ARHGAP32: variants seen among roughly 807,000 people sequenced by gnomAD.
ARHGAP32 encodes the protein Rho GTPase activating protein 32.
ARHGAP32 carries 51 observed loss-of-function variants against 186.5 expected under a neutral mutation model. That is an observed-to-expected ratio of 0.27 (90% CI 0.22 to 0.35). The LOEUF is 0.35. ARHGAP32 is among the 10% of genes least tolerant of loss of function. The pLI, the probability that ARHGAP32 is intolerant of heterozygous loss-of-function variation, is 1.00. For missense variants in ARHGAP32, 2,186 were observed against 2,623.5 expected (o/e 0.83, Z 3.64); for synonymous variants, 950 against 964.3 (o/e 0.99, Z 0.27).
Position 128,968,878 on chromosome 11 carries a change from G to A in ARHGAP32, c.*29C>T. 2.1e-6 allele frequency: 3 copies of A among 1,432,110 alleles called. No homozygotes were observed. The highest frequency in any genetic ancestry group is 2.8e-6 in the Non-Finnish European group (3 of 1,085,390). 88.7% of individuals were successfully genotyped at this position (1,432,110 alleles called of 1,614,324 possible). On this transcript the variant is annotated 3_prime_UTR_variant, in exon 23 of 23. Coordinates refer to ENST00000682385, the MANE Select transcript of ARHGAP32 (RefSeq NM_001378024.1). ...ATAGAACAGTCCACTGTCCAGCAGAGGCTGCTTCAACTCTATTGCTCGCAG... is the reference window on the plus strand; with the variant it reads ...ATAGAACAGTCCACTGTCCAGCAGAAGCTGCTTCAACTCTATTGCTCGCAG...
chr11:129,276,909 C>T (rs1459814718), intron 1 of ARHGAP32, among the ~76,000 whole-genome samples: 1 of 152,206 alleles, frequency 6.6e-6, no homozygotes, highest in South Asian at 2.1e-4. Flanking sequence ...ACTGCAACCA[C>T]AACCTAACTT....
chr11:129,007,217 AT>A (rs1055372667), intron 11 of ARHGAP32, among the ~76,000 whole-genome samples: 7 of 151,968 alleles, frequency 4.6e-5, no homozygotes, highest in African/African-American at 1.7e-4. Context: ...ATGGTGCCCT[AT>A]CCCACTGTGG....
intron 1 of ARHGAP32, among the ~76,000 whole-genome samples, chr11:129,234,896 C>T (rs978054559): frequency 3.3e-5 from 5 of 152,148 alleles, no homozygotes; most frequent in African/African-American, 1.2e-4. Flanking sequence ...CCTTAGTTTA[C>T]CAGGCTTTTA....
chr11:129,241,900 G>T (rs780499316), intron 1 of ARHGAP32, among the ~76,000 whole-genome samples: 3 of 152,096 alleles, frequency 2.0e-5, no homozygotes, highest in Admixed American at 1.3e-4. Flanking sequence ...AAGCAAGAAT[G>T]ACCAATAAAA....
At chr11:129,062,135 T>C (rs1940525279) in intron 10 of ARHGAP32, 145 bp downstream of exon 10, 1 of 650,632 alleles carries the variant, frequency 1.5e-6, no homozygotes, top group South Asian at 2.0e-5. Context: ...TCTAAATCTA[T>C]TATCATTACT....
At position 128,973,314 on chromosome 11, in the gene ARHGAP32, G is replaced by A. The variant is rs150930792; in HGVS notation, c.3192C>T (p.Ser1064=). ...ATGACTGAGTTGAGGCTTGCTGTGC[G>A]GACTCAGCTAATGCTAGCGCCAACA... ...ARMLALALAE[S]AQQASTQSLK... is the part of the protein sequence containing the mutation. Residue 1064 remains serine (S), a synonymous_variant, in exon 22 of 23, where the codon TCC becomes TCT. Transcript: ENST00000682385. 2.6e-5 allele frequency: 42 copies of A among 1,614,146 alleles called. No individual in the cohort carries two copies. The East Asian group carries it at 3.6e-4, about 14-fold the overall frequency.
intron 5 of ARHGAP32, among the ~76,000 whole-genome samples, chr11:129,102,255 A>G (rs548583895): frequency 6.6e-6 from 1 of 152,348 alleles, no homozygotes; most frequent in South Asian, 2.1e-4. Flanking sequence ...ACACACTGAA[A>G]TAAGCAGACC....
In ARHGAP32 at chr11:129,123,352, G is replaced by T; in HGVS notation, c.444+94C>A. 2 of 1,006,666 alleles carry T rather than the reference G, an allele frequency of 2.0e-6. No individual in the cohort carries two copies. The highest frequency in any genetic ancestry group is 2.9e-6 in the Non-Finnish European group (2 of 689,332). The allele number at this position is 1,006,666 out of a possible 1,614,324, so 62.4% of individuals were successfully genotyped here. A position where few individuals can be genotyped will look rare whatever the true frequency, so the allele number is the denominator to read the frequency against. ...ATTAAAAAAAAAACTACTTCAAAGT[G>T]TCATCTATTAGATACAGATATATAG... On this transcript the variant is annotated intron_variant, in intron 5 of 22. Transcript: ENST00000682385. The surrounding 1 kb of genome is among the most constrained non-coding windows in gnomAD (Gnocchi z 4.6).
At chr11:129,232,679 C>A (rs1289251402) in intron 1 of ARHGAP32, among the ~76,000 whole-genome samples, 2 of 152,142 alleles carry the variant, frequency 1.3e-5, no homozygotes, top group Non-Finnish European at 2.9e-5. Flanking sequence ...AAATTTCCTT[C>A]CAAGTTCATG....
intron 19 of ARHGAP32, 108 bp downstream of exon 19, chr11:128,978,662 C>T (rs1475042296): frequency 1.7e-6 from 2 of 1,164,650 alleles, no homozygotes; most frequent in Non-Finnish European, 2.3e-6. Flanking sequence ...TGTGACACAA[C>T]TGTGAACACG....
Position 129,172,053 on chromosome 11 carries a change from T to C in ARHGAP32, c.117-7626A>G, listed in dbSNP as rs545421021. On this transcript the variant is annotated intron_variant, in intron 1 of 22. Transcript: ENST00000682385. ...GAGACTGCTGAAGCTGCTTATCAGT[T>C]CAAGGAGTTTTTGGGCTGAGATGAC... 2.0e-5 allele frequency among the ~76,000 whole-genome samples: 3 copies of C among 152,312 alleles called. No individual in the cohort carries two copies. The East Asian group carries it at 5.8e-4, about 29-fold the overall frequency.
chr11:129,263,236 C>A (rs1945347859), intron 1 of ARHGAP32, among the ~76,000 whole-genome samples: 1 of 151,986 alleles, frequency 6.6e-6, no homozygotes, highest in African/African-American at 2.4e-5. Flanking sequence ...ATAAACTAGA[C>A]AACATTAATA....
chr11:129,224,515 G>A lies in ARHGAP32; in HGVS notation c.-5+54631C>T, dbSNP rs115423119. 5.6e-3 allele frequency among the ~76,000 whole-genome samples: 855 copies of A among 152,010 alleles called. 9 individuals are homozygous for A. Among genetic ancestry groups the A allele is most frequent in the African/African-American group, 0.018 (764 of 41,460 alleles). Reference sequence around the variant, plus strand: ...TTTCAAGAAAAACAGCTGAATCTCCGTAAGAACAGCAAATTTAATGGTATT... The same window carrying A: ...TTTCAAGAAAAACAGCTGAATCTCCATAAGAACAGCAAATTTAATGGTATT... On this transcript the variant is annotated intron_variant, in intron 1 of 6. Coordinates refer to the ARHGAP32 transcript ENST00000525234.
At position 128,988,097 on chromosome 11, in the gene ARHGAP32, T is replaced by C; in HGVS notation, c.1224A>G (p.Ala408=). 1 of 1,613,282 alleles carries C rather than the reference T, an allele frequency of 6.2e-7. No homozygotes were observed. The highest frequency in any genetic ancestry group is 1.3e-5 in the African/African-American group (1 of 75,040). The change falls in exon 13 of 23, where the codon GCA becomes GCG. Residue 408 remains alanine, a synonymous_variant. Coordinates refer to ENST00000682385, the MANE Select transcript of ARHGAP32 (RefSeq NM_001378024.1). ...EVPQVLQSCT[A]FIERYGIVDG... Reference sequence around the variant, plus strand: ...CCACGATGCCATATCTCTCAATGAATGCTGTGCAGCTTTGAAGAACCTGCG... The same window carrying C: ...CCACGATGCCATATCTCTCAATGAACGCTGTGCAGCTTTGAAGAACCTGCG...
intron 11 of ARHGAP32, among the ~76,000 whole-genome samples, chr11:129,018,451 T>A (rs892616704): frequency 2.0e-5 from 3 of 152,196 alleles, no homozygotes; most frequent in African/African-American, 7.2e-5. Flanking sequence ...GTAGTTGAAG[T>A]GAACTGTGTA....
chr11:129,060,383 A>AG (rs1555082360), intron 10 of ARHGAP32, among the ~76,000 whole-genome samples: 165 of 144,118 alleles, frequency 1.1e-3, no homozygotes, highest in African/African-American at 3.7e-3. Flanking sequence ...ATAGATAGAT[A>AG]AGATAGACAG....
chr11:129,095,863 C>G (rs1690238510), intron 5 of ARHGAP32, among the ~76,000 whole-genome samples: 1 of 152,200 alleles, frequency 6.6e-6, no homozygotes, highest in Admixed American at 6.5e-5. Context: ...GGCTTCATAG[C>G]AAAGCACAAA....
intron 1 of ARHGAP32, among the ~76,000 whole-genome samples, chr11:129,169,631 C>CAAAAAA (rs35715241): frequency 1.3e-5 from 1 of 75,148 alleles, no homozygotes. Context: ...GACTCTGTCT[C>CAAAAAA]AAAAAAAAAA....
intron 1 of ARHGAP32, among the ~76,000 whole-genome samples, chr11:129,189,016 G>A (rs531597702): frequency 6.6e-6 from 1 of 152,202 alleles, no homozygotes; most frequent in East Asian, 1.9e-4. Context: ...AGGTGTCCTA[G>A]AGGTCACATT....
Sources: gnomAD v4.1 joint callset for allele counts (sites outside exome capture counted in the v4.1 genomes callset) on GRCh38, gnomAD v4.1.1 for gene constraint, Gnocchi (gnomAD v3.1) non-coding constraint, MANE v1.5 for transcripts, NCBI Gene and HGNC (gene_info 2026-07-23, HGNC 2026-07-21) for gene names.